The following SSUH2 variants were observed in gnomAD, a reference collection of about 807,000 sequenced individuals.
SSUH2 encodes the protein protein SSUH2 homolog.
In SSUH2, 47 loss-of-function variants were observed where a neutral mutation model predicts 55.3. That is an observed-to-expected ratio of 0.85 (90% CI 0.67 to 1.08). The LOEUF (loss-of-function observed/expected upper bound fraction) is 1.08. Among genes scored for constraint, SSUH2 ranks in the 50% least tolerant of loss-of-function variants. The pLI, the probability that SSUH2 is intolerant of heterozygous loss-of-function variation, is 0.00. For synonymous variants in SSUH2, 212 were observed against 191.5 expected (o/e 1.11, Z -0.89); for missense variants, 535 against 490.7 (o/e 1.09, Z -0.85).
At chr3:8,638,218 G>C (rs776188753) in intron 1 of SSUH2, among the ~76,000 whole-genome samples, 23 of 152,120 alleles carry the variant, frequency 1.5e-4, no homozygotes, top group Non-Finnish European at 2.4e-4. Flanking sequence ...AAAGATCAAG[G>C]TCAGGGCTGG....
At chr3:8,643,273 G>A (rs189841847) in intron 1 of SSUH2, among the ~76,000 whole-genome samples, 1 of 152,252 alleles carries the variant, frequency 6.6e-6, no homozygotes, top group East Asian at 1.9e-4. Flanking sequence ...AATTCAGAGA[G>A]GTTAAGTGAC....
chr3:8,663,544 G>A (rs952579129), intron 6 of SSUH2, among the ~76,000 whole-genome samples: 7 of 152,196 alleles, frequency 4.6e-5, no homozygotes, highest in African/African-American at 1.4e-4. Flanking sequence ...GTCGGGGTCA[G>A]GTGGGGGCCA....
intron 3 of SSUH2, 55 bp from the exon 4 acceptor site, chr3:8,633,850 C>A: frequency 6.2e-7 from 1 of 1,613,254 alleles, no homozygotes; most frequent in Non-Finnish European, 8.5e-7. Flanking sequence ...TGTGGACTCA[C>A]GCGGGCCAGC....
intron 7 of SSUH2, 40 bp downstream of exon 7, chr3:8,629,624 A>G (rs749483628): frequency 6.2e-6 from 4 of 643,892 alleles, no homozygotes; most frequent in Middle Eastern, 4.7e-4. Context: ...CCCGGCCACC[A>G]CACCCTCACT....
intron 8 of SSUH2, 70 bp downstream of exon 8, chr3:8,627,605 ACAGATGGGTTCCTGTTTGCCTTC>A: frequency 9.2e-7 from 1 of 1,083,048 alleles, no homozygotes; most frequent in East Asian, 2.7e-5. Flanking sequence ...CAGTGACGAG[ACAGATGGGTTCCTGTTTGCCTTC>A]CAGATGGGCA....
intron 6 of SSUH2, chr3:8,659,762 A>G (rs867783367): frequency 4.4e-6 from 2 of 456,462 alleles, no homozygotes; most frequent in Middle Eastern, 3.3e-4. Flanking sequence ...ATGGGTATTT[A>G]TTGTGTGCAG....
chr3:8,629,114 C>T (rs1298799762), intron 7 of SSUH2, among the ~76,000 whole-genome samples: 1 of 152,166 alleles, frequency 6.6e-6, no homozygotes, highest in Non-Finnish European at 1.5e-5. Context: ...CCGCCTTGGC[C>T]TCCCAAAGTG....
intron 3 of SSUH2, chr3:8,634,547 A>G (rs558220032): frequency 7.8e-7 from 1 of 1,289,810 alleles, no homozygotes; most frequent in South Asian, 1.2e-5. Context: ...CCTGGCACAC[A>G]GAGGGGCCCG....
At chr3:8,656,702 C>A (rs957278182) in intron 7 of SSUH2, among the ~76,000 whole-genome samples, 3 of 152,154 alleles carry the variant, frequency 2.0e-5, no homozygotes, top group Admixed American at 2.0e-4. Context: ...TTATTAGCCT[C>A]AGTTTATAAA....
At chr3:8,621,424 C>T (rs1696407265) in intron 11 of SSUH2, among the ~76,000 whole-genome samples, 1 of 152,172 alleles carries the variant, frequency 6.6e-6, no homozygotes, top group African/African-American at 2.4e-5. Flanking sequence ...CTCTCCATTT[C>T]AGAAAAACTG....
intron 2 of SSUH2, among the ~76,000 whole-genome samples, chr3:8,677,620 T>A (rs650605): frequency 0.83 from 124,560 of 150,394 alleles, 52,347 homozygotes; most frequent in East Asian, 0.94. Context: ...GCAGCTGGAC[T>A]TTTAACCCAA....
At chr3:8,630,659 A>G in intron 6 of SSUH2, 146 bp downstream of exon 6, 2 of 738,058 alleles carry the variant, frequency 2.7e-6, no homozygotes, top group Non-Finnish European at 3.8e-6. Context: ...GTTTTATTAA[A>G]TTACGTTTAT....
At chr3:8,679,415 C>A (rs1257287033) in intron 2 of SSUH2, among the ~76,000 whole-genome samples, 2 of 139,698 alleles carry the variant, frequency 1.4e-5, no homozygotes, top group Non-Finnish European at 3.2e-5. Context: ...GCCCCTCTTC[C>A]CCCCCTGGCT....
intron 3 of SSUH2, among the ~76,000 whole-genome samples, chr3:8,676,912 TTCCCCCCTGGCTCTTAGGA>T (rs1705387565): frequency 1.4e-5 from 2 of 143,598 alleles, no homozygotes; most frequent in Non-Finnish European, 3.1e-5. Flanking sequence ...CAGCCCCTCT[TTCCCCCCTGGCTCTTAGGA>T]CCCCCATAGT....
intron 3 of SSUH2, among the ~76,000 whole-genome samples, chr3:8,672,899 G>A (rs1371646916): frequency 6.6e-6 from 1 of 151,956 alleles, no homozygotes; most frequent in African/African-American, 2.4e-5. Flanking sequence ...TCACTGGGTG[G>A]GTGTACACCT....
intron 1 of SSUH2, among the ~76,000 whole-genome samples, chr3:8,681,129 CT>C (rs1311135028): frequency 1.0e-5 from 1 of 95,794 alleles, no homozygotes; most frequent in African/African-American, 3.0e-5. Flanking sequence ...GCCAGCCCCT[CT>C]TCCCCCCCTG....
At chr3:8,635,222 C>T in intron 3 of SSUH2, 78 bp downstream of exon 3, 1 of 1,272,370 alleles carries the variant, frequency 7.9e-7, no homozygotes, top group Non-Finnish European at 1.1e-6. Flanking sequence ...TCCTGATGCA[C>T]TGCCAGGGCT....
rs1697380730 is a variant in SSUH2 at position 8,625,640 on chromosome 3, T to C, written c.775A>G (p.Ser259Gly). 6.2e-7 allele frequency: 1 copy of C among 1,612,292 alleles called. No individual in the cohort carries two copies. Among genetic ancestry groups the C allele is most frequent in the South Asian group, 1.1e-5 (1 of 90,996 alleles). Residue 259 changes from serine (S) to glycine (G), a missense_variant, in exon 10 of 12, where the codon AGC (serine) becomes GGC (glycine). Transcript: ENST00000544814. Reference sequence around the variant, plus strand: ...TGCTCAGACACAAACTCAAACAAGCTGTTCTTCCTGGAGGGAAGGAGGATG... The same window carrying C: ...TGCTCAGACACAAACTCAAACAAGCCGTTCTTCCTGGAGGGAAGGAGGATG... Reference protein sequence around the residue: ...FIQLVIMWKNSLFEFVSEHRL... With the variant: ...FIQLVIMWKNGLFEFVSEHRL...
rs1393692334 is a variant in SSUH2 at position 8,679,000 on chromosome 3, AC to A, written c.-901+704del. On this transcript the variant is annotated intron_variant, in intron 2 of 18. Transcript: ENST00000317371. ...GAGAGTCACCCCCCGCGAGGTGGGG[AC>A]TGAGAGCCAGCCCCTCTTCCCCCCC... Among the ~76,000 whole-genome samples the A allele has an allele frequency of 2.7e-4, 28 of 104,074 alleles. 1 individual carries two copies. The highest frequency in any genetic ancestry group is 4.2e-4 in the Non-Finnish European group (19 of 45,148). The allele number at this position is 104,074 out of a possible 152,430, so 68.3% of individuals were successfully genotyped here.
Sources: gnomAD v4.1 joint callset for allele counts (sites outside exome capture counted in the v4.1 genomes callset) on GRCh38, gnomAD v4.1.1 for gene constraint, MANE v1.5 for transcripts, NCBI Gene and HGNC (gene_info 2026-07-23, HGNC 2026-07-21) for gene names.